Variants in CYP20A1 observed in about 807,000 individuals in gnomAD.
CYP20A1 encodes the protein cytochrome P450 20A1.
Under a neutral mutation model 61.4 loss-of-function variants are expected in CYP20A1, and 61 were observed. The ratio of observed to expected loss-of-function variants is 0.99; its 90% CI spans 0.81 to 1.23. The LOEUF (loss-of-function observed/expected upper bound fraction) is 1.23. Among genes scored for constraint, CYP20A1 ranks in the 50% most tolerant of loss-of-function variants. The probability of loss-of-function intolerance (pLI) is 0.00; values close to 1 mark genes in which losing one functional copy is unlikely to be tolerated. For synonymous variants in CYP20A1, 193 were observed against 188.2 expected (o/e 1.03, Z -0.21); for missense variants, 530 against 542.4 (o/e 0.98, Z 0.23).
chr2:203,256,664 T>G (rs1178386431), intron 4 of CYP20A1, among the ~76,000 whole-genome samples: 6 of 152,124 alleles, frequency 3.9e-5, no homozygotes, highest in Admixed American at 2.6e-4. Context: ...CACCAGTAAT[T>G]CTATTTTTTG....
In CYP20A1 at chr2:203,239,382, G is replaced by A. The variant is rs541408404; in HGVS notation, c.72+248G>A. On this transcript the variant is annotated intron_variant, in intron 1 of 12. Transcript: ENST00000356079. ...CGGGCCAGGCGGGCGTAGAGCTGCT[G>A]AGGAAAAGCCCGCGCCCCCGCAGGC... Among the ~76,000 whole-genome samples the A allele has an allele frequency of 5.9e-5, 9 of 152,324 alleles. 1 individual carries two copies. In the South Asian group the frequency reaches 1.9e-3, roughly 32 times the overall value.
chr2:203,243,148 G>GT (rs924202677), intron 1 of CYP20A1, among the ~76,000 whole-genome samples: 1 of 152,036 alleles, frequency 6.6e-6, no homozygotes. Context: ...ATAATCTCTT[G>GT]TTTTTTTGAG....
chr2:203,275,155 T>G (rs1472899048), intron 6 of CYP20A1, among the ~76,000 whole-genome samples: 1 of 152,158 alleles, frequency 6.6e-6, no homozygotes, highest in Non-Finnish European at 1.5e-5. Flanking sequence ...GAGATCAGGG[T>G]GTCGTGGGCA....
At chr2:203,268,170 A>G (rs1405821553) in intron 5 of CYP20A1, among the ~76,000 whole-genome samples, 3 of 151,994 alleles carry the variant, frequency 2.0e-5, no homozygotes, top group African/African-American at 4.8e-5. Context: ...TAGATTCAAC[A>G]TTTTGCCTGT....
chr2:203,282,026 G>A (rs1030682600), intron 8 of CYP20A1, among the ~76,000 whole-genome samples: 3 of 141,774 alleles, frequency 2.1e-5, no homozygotes, highest in African/African-American at 7.7e-5. Context: ...CAAAAATAAT[G>A]TATTCAACCT....
At position 203,245,889 on chromosome 2, in the gene CYP20A1, A is replaced by G. The variant is rs780070487; in HGVS notation, c.116A>G (p.Glu39Gly). The change falls in exon 2 of 13, where the codon GAA becomes GGA. Residue 39 changes from glutamate (E) to glycine (G), a missense_variant. Physicochemically the swap from Glu to Gly is moderately conservative, Grantham distance 98. Coordinates refer to ENST00000356079, the MANE Select transcript of CYP20A1 (RefSeq NM_177538.3). ...GGAATTCCAGGGATTACTCCAACTG[A>G]AGAAAAGTGAGTAATTATTTTCTTG... ...AAGIPGITPTEEKDGNLPDIV... is the reference protein window; with the variant it reads ...AAGIPGITPTGEKDGNLPDIV... The G allele has an allele frequency of 1.2e-5, 19 of 1,592,304 alleles. No individual in the cohort carries two copies. The highest frequency in any genetic ancestry group is 5.1e-5 in the Admixed American group (3 of 59,034).
chr2:203,250,317 A>T (rs966451560), intron 3 of CYP20A1, among the ~76,000 whole-genome samples: 3 of 152,196 alleles, frequency 2.0e-5, no homozygotes, highest in Non-Finnish European at 2.9e-5. Context: ...GCCCTTTACA[A>T]ATATTAACTC....
rs557164643 is a variant in CYP20A1 at position 203,295,021 on chromosome 2, C to T, written c.1149-1453C>T. Among the ~76,000 whole-genome samples the T allele has an allele frequency of 2.1e-3, 244 of 115,236 alleles. 1 individual carries two copies. Among genetic ancestry groups the T allele is most frequent in the Non-Finnish European group, 3.4e-3 (195 of 58,092 alleles). The allele number at this position is 115,236 out of a possible 152,430, so 75.6% of individuals were successfully genotyped here. On this transcript the variant is annotated intron_variant, in intron 11 of 12. Transcript: ENST00000356079. The stretch of plus-strand genomic sequence containing the variant: ...AGGCTGGAGTACAGTGGCGCGATCC[C>T]GGCTCACTGCAAGCTCCGCCTCCCG...
intron 10 of CYP20A1, among the ~76,000 whole-genome samples, chr2:203,291,946 G>T (rs2152110598): frequency 6.6e-6 from 1 of 152,092 alleles, no homozygotes; most frequent in Middle Eastern, 3.4e-3. Context: ...TTTTGTCCTT[G>T]CGATAGTTTG....
chr2:203,275,293 C>A (rs2067768716), intron 6 of CYP20A1, among the ~76,000 whole-genome samples: 1 of 152,178 alleles, frequency 6.6e-6, no homozygotes, highest in South Asian at 2.1e-4. Flanking sequence ...TGACTCCTAC[C>A]TGTAAACATT....
intron 4 of CYP20A1, among the ~76,000 whole-genome samples, chr2:203,252,523 T>G (rs762881751): frequency 1.7e-4 from 26 of 152,028 alleles, no homozygotes; most frequent in Non-Finnish European, 3.4e-4. Flanking sequence ...GCCTCCCTAG[T>G]AGCTGGGATT....
At chr2:203,250,602 A>G (rs2105908110) in intron 3 of CYP20A1, among the ~76,000 whole-genome samples, 1 of 152,370 alleles carries the variant, frequency 6.6e-6, no homozygotes, top group South Asian at 2.1e-4. Context: ...GAGGAAAACC[A>G]GAATGGTCTC....
At chr2:203,289,073 A>G (rs990178681) in intron 9 of CYP20A1, among the ~76,000 whole-genome samples, 3 of 152,128 alleles carry the variant, frequency 2.0e-5, no homozygotes, top group Non-Finnish European at 2.9e-5. Context: ...TGGATATGAG[A>G]ATGTCTTTTT....
Position 203,246,783 on chromosome 2 carries a change from A to G in CYP20A1, c.151A>G (p.Ser51Gly). The G allele has an allele frequency of 6.2e-7, 1 of 1,614,102 alleles. No individual in the cohort carries two copies. Among genetic ancestry groups the G allele is most frequent in the Non-Finnish European group, 8.5e-7 (1 of 1,180,012 alleles). ...KDGNLPDIVN[S>G]GSLHEFLVNL... ...TGGTAATCTTCCAGATATTGTGAAT[A>G]GTGGAAGTTTGCATGAGTTCCTGGT... Residue 51 changes from serine to glycine, a missense_variant, in exon 3 of 13, where the codon AGT becomes GGT. Transcript: ENST00000356079.
intron 4 of CYP20A1, among the ~76,000 whole-genome samples, chr2:203,263,767 T>C (rs1284547669): frequency 6.6e-6 from 1 of 152,186 alleles, no homozygotes; most frequent in African/African-American, 2.4e-5. Context: ...ATTGCACTAA[T>C]GGCAGAGAAC....
intron 3 of CYP20A1, among the ~76,000 whole-genome samples, chr2:203,249,548 T>C (rs1213426351): frequency 6.6e-6 from 1 of 151,976 alleles, no homozygotes; most frequent in Non-Finnish European, 1.5e-5. Flanking sequence ...CCTTAAAAAC[T>C]AATAAGAAAA....
intron 4 of CYP20A1, among the ~76,000 whole-genome samples, chr2:203,254,263 C>A (rs1403965982): frequency 6.6e-6 from 1 of 151,992 alleles, no homozygotes; most frequent in Non-Finnish European, 1.5e-5. Context: ...TTATTTTTAA[C>A]CCTTGCCTTC....
In CYP20A1 at chr2:203,248,913, G is replaced by C. The variant is rs138986720; in HGVS notation, c.289+1992G>C. Among the ~76,000 whole-genome samples, 14 of 152,192 alleles carry C rather than the reference G, an allele frequency of 9.2e-5. No individual in the cohort carries two copies. The East Asian group carries it at 2.5e-3, about 27-fold the overall frequency. On this transcript the variant is annotated intron_variant, in intron 3 of 12. Coordinates refer to ENST00000356079, the MANE Select transcript of CYP20A1 (RefSeq NM_177538.3). The stretch of plus-strand genomic sequence containing the variant: ...TTTAGTGGAGATGAGGTCTTGCTAC[G>C]TTGCCCAGGCTGGCCTCCAACTCCT...
At chr2:203,240,333 T>A (rs1469083142) in intron 1 of CYP20A1, among the ~76,000 whole-genome samples, 2 of 152,240 alleles carry the variant, frequency 1.3e-5, no homozygotes, top group Non-Finnish European at 2.9e-5. Context: ...TTTTGGTGAT[T>A]TTAAAATGAT....
Sources: allele counts gnomAD v4.1 joint callset (sites outside exome capture counted in the v4.1 genomes callset), GRCh38; gene constraint gnomAD v4.1.1; transcripts MANE v1.5; gene names NCBI Gene and HGNC (gene_info 2026-07-23, HGNC 2026-07-21).